NCAM1: variants seen among roughly 807,000 people sequenced by gnomAD.
The protein encoded by NCAM1 is antigen recognized by monoclonal antibody 5.1H11.
Under a neutral mutation model 109.8 loss-of-function variants are expected in NCAM1, and 14 were observed. That is an observed-to-expected ratio of 0.13 (90% CI 0.08 to 0.20). NCAM1 has a LOEUF of 0.20. Among genes scored for constraint, NCAM1 ranks in the 10% least tolerant of loss-of-function variants. The probability of loss-of-function intolerance (pLI) is 1.00; values close to 1 mark genes in which losing one functional copy is unlikely to be tolerated. For synonymous variants in NCAM1, 418 were observed against 442.9 expected (o/e 0.94, Z 0.70); for missense variants, 774 against 1,109.9 (o/e 0.70, Z 4.30).
chr11:112,984,677 T>TTGTATA (rs1951248144), intron 1 of NCAM1, among the ~76,000 whole-genome samples: 1 of 151,974 alleles, frequency 6.6e-6, no homozygotes, highest in African/African-American at 2.4e-5. Flanking sequence ...GTATACAGTA[T>TTGTATA]CTGTTGGTTA....
chr11:113,227,257 C>T (rs2137170429), intron 9 of NCAM1, among the ~76,000 whole-genome samples: 1 of 152,194 alleles, frequency 6.6e-6, no homozygotes, highest in Middle Eastern at 3.4e-3. Context: ...GATATCACCA[C>T]TGATCCCACA....
intron 17 of NCAM1, chr11:113,263,531 A>C (rs1223511258): frequency 1.0e-6 from 1 of 985,632 alleles, no homozygotes; most frequent in Non-Finnish European, 1.2e-6. Context: ...AATTTGTTGG[A>C]TATTTTCTGG....
At chr11:113,209,753 A>G (rs782111187) in intron 7 of NCAM1, among the ~76,000 whole-genome samples, 1 of 152,262 alleles carries the variant, frequency 6.6e-6, no homozygotes, top group Non-Finnish European at 1.5e-5. Context: ...AAGCTAATGT[A>G]GATAGTCAAC....
At chr11:113,173,082 G>A (rs1943040968) in intron 1 of NCAM1, among the ~76,000 whole-genome samples, 1 of 152,096 alleles carries the variant, frequency 6.6e-6, no homozygotes. Flanking sequence ...AAAAGCAATG[G>A]CTTCTCGTTG....
chr11:112,992,605 A>G (rs1193188411), intron 1 of NCAM1, among the ~76,000 whole-genome samples: 1 of 148,274 alleles, frequency 6.7e-6, no homozygotes, highest in East Asian at 2.0e-4. Context: ...GGTTCGCACC[A>G]TTCTCCTGCC....
Position 113,206,069 on chromosome 11 carries a change from T to G in NCAM1, c.517T>G (p.Tyr173Asp). ...CCGATTCATAGTCCTGTCCAACAAC[T>G]ACCTGCAGATCCGGGGCATCAAGAA... Reference protein sequence around the residue: ...DVRFIVLSNNYLQIRGIKKTD... With the variant: ...DVRFIVLSNNDLQIRGIKKTD... The change falls in exon 5 of 20, where the codon TAC (tyrosine) becomes GAC (aspartate). Residue 173 changes from tyrosine to aspartate, a missense_variant. Transcript: ENST00000316851. The G allele has an allele frequency of 6.2e-7, 1 of 1,613,938 alleles. No homozygotes were observed. Among genetic ancestry groups the G allele is most frequent in the Non-Finnish European group, 8.5e-7 (1 of 1,179,856 alleles).
At chr11:113,243,570 A>T in intron 14 of NCAM1, 1 of 518,824 alleles carries the variant, frequency 1.9e-6, no homozygotes, top group South Asian at 1.4e-5. Context: ...GCACAGAATC[A>T]CTGCTGTAAC....
At chr11:113,244,499 T>C (rs1179584467) in intron 14 of NCAM1, among the ~76,000 whole-genome samples, 5 of 152,226 alleles carry the variant, frequency 3.3e-5, no homozygotes, top group African/African-American at 1.2e-4. Context: ...GAGTTTAGCA[T>C]GAACATATTT....
chr11:112,994,357 T>G (rs925166126), intron 1 of NCAM1, among the ~76,000 whole-genome samples: 24 of 152,246 alleles, frequency 1.6e-4, no homozygotes, highest in Non-Finnish European at 3.1e-4. Flanking sequence ...AATCTGATTT[T>G]TCATTTTTTG....
At chr11:113,197,381 A>G (rs954699916) in intron 1 of NCAM1, among the ~76,000 whole-genome samples, 31 of 152,218 alleles carry the variant, frequency 2.0e-4, no homozygotes, top group Admixed American at 1.4e-3. Context: ...TCTCCATTAC[A>G]GTGGTTATGT....
chr11:113,183,712 A>G (rs6589363), intron 1 of NCAM1, among the ~76,000 whole-genome samples: 127,465 of 152,154 alleles, frequency 0.84, 53,816 homozygotes, highest in African/African-American at 0.94. Flanking sequence ...TAGAACTCGC[A>G]TGTCCAGGGA....
At chr11:113,168,744 C>T (rs557274164) in intron 1 of NCAM1, among the ~76,000 whole-genome samples, 28 of 152,236 alleles carry the variant, frequency 1.8e-4, no homozygotes, top group African/African-American at 6.7e-4. Flanking sequence ...TTTGTTGAAA[C>T]GCTGAGCTAA....
intron 1 of NCAM1, among the ~76,000 whole-genome samples, chr11:113,149,701 T>C (rs1555102058): frequency 6.6e-6 from 1 of 152,264 alleles, no homozygotes; most frequent in African/African-American, 2.4e-5. Context: ...TAATTACTTA[T>C]ACTGTTACCA....
chr11:113,080,618 G>C lies in NCAM1; in HGVS notation c.52+118954G>C, dbSNP rs145654944. On this transcript the variant is annotated intron_variant, in intron 1 of 19. Coordinates refer to ENST00000316851, the MANE Select transcript of NCAM1 (RefSeq NM_181351.5). ...GTATTAAGTTAATTATTTGAATGGA[G>C]ACTATAACTGATATAATTTCTAAAG... 1.4e-3 allele frequency among the ~76,000 whole-genome samples: 211 copies of C among 152,246 alleles called. 4 individuals carry two copies. In the East Asian group the frequency reaches 0.039, roughly 28 times the overall value.
At chr11:113,186,291 C>A (rs542381653) in intron 1 of NCAM1, among the ~76,000 whole-genome samples, 1 of 152,074 alleles carries the variant, frequency 6.6e-6, no homozygotes, top group Non-Finnish European at 1.5e-5. Flanking sequence ...CATAGAAGTG[C>A]GTGCGAGGGT....
rs112454729 is a variant in NCAM1, at chr11:113,157,136, GACACAC to G, written c.53-45219_53-45214del. Among the ~76,000 whole-genome samples the G allele has an allele frequency of 3.3e-3, 490 of 146,968 alleles. 1 individual carries two copies. Among genetic ancestry groups the G allele is most frequent in the African/African-American group, 0.011 (460 of 40,250 alleles). ...TTAAAGACAAAAGGTGTTTCCCTGA[GACACAC>G]ACACACACACACACACACACACAGA... On this transcript the variant is annotated intron_variant, in intron 1 of 19. Transcript: ENST00000316851.
At chr11:113,014,811 C>A (rs1286714479) in intron 1 of NCAM1, among the ~76,000 whole-genome samples, 18 of 152,290 alleles carry the variant, frequency 1.2e-4, no homozygotes, top group African/African-American at 3.4e-4. Context: ...AACATAAGCT[C>A]ACGCAAATCT....
At chr11:113,175,686 G>GT (rs1250186889) in intron 1 of NCAM1, among the ~76,000 whole-genome samples, 1 of 152,076 alleles carries the variant, frequency 6.6e-6, no homozygotes, top group East Asian at 1.9e-4. Flanking sequence ...TTGTTTTCCT[G>GT]TTTTTCATAC....
intron 1 of NCAM1, among the ~76,000 whole-genome samples, chr11:113,070,756 C>T (rs1767200614): frequency 6.6e-6 from 1 of 152,096 alleles, no homozygotes; most frequent in South Asian, 2.1e-4. Flanking sequence ...CCTCTATACT[C>T]ACTATAAAGG....
Sources: gnomAD v4.1 joint callset for allele counts (sites outside exome capture counted in the v4.1 genomes callset) on GRCh38, gnomAD v4.1.1 for gene constraint, MANE v1.5 for transcripts, NCBI Gene and HGNC (gene_info 2026-07-23, HGNC 2026-07-21) for gene names.